Variants in TRAPPC9 observed in about 807,000 individuals in gnomAD.
TRAPPC9 encodes the protein trafficking protein particle complex subunit 9, also known as IKK2 binding protein.
Under a neutral mutation model 124.0 loss-of-function variants are expected in TRAPPC9, and 83 were observed. The observed-to-expected ratio is 0.67, with a 90% CI of 0.56 to 0.80. The LOEUF is 0.80. Among genes scored for constraint, TRAPPC9 ranks in the 30% least tolerant of loss-of-function variants. The pLI, the probability that TRAPPC9 is intolerant of heterozygous loss-of-function variation, is 0.00. For synonymous variants in TRAPPC9, 638 were observed against 617.5 expected (o/e 1.03, Z -0.49); for missense variants, 1,302 against 1,508.3 (o/e 0.86, Z 2.27).
intron 19 of TRAPPC9, among the ~76,000 whole-genome samples, chr8:139,972,483 C>T (rs1282055821): frequency 6.6e-6 from 1 of 152,180 alleles, no homozygotes; most frequent in Non-Finnish European, 1.5e-5. Flanking sequence ...TGCAAATGTG[C>T]CTCTCCGGGG....
At chr8:140,214,162 C>G (rs1397305823) in intron 17 of TRAPPC9, among the ~76,000 whole-genome samples, 1 of 152,248 alleles carries the variant, frequency 6.6e-6, no homozygotes, top group Non-Finnish European at 1.5e-5. Context: ...GTGATGTGGG[C>G]ACCAAGTTTG....
chr8:139,913,560 A>G (rs916582876), intron 19 of TRAPPC9, among the ~76,000 whole-genome samples: 1 of 152,232 alleles, frequency 6.6e-6, no homozygotes, highest in Non-Finnish European at 1.5e-5. Context: ...AGCATGGGAC[A>G]GAGACCCTGA....
intron 19 of TRAPPC9, among the ~76,000 whole-genome samples, chr8:139,974,527 C>T (rs893044454): frequency 4.6e-5 from 7 of 152,180 alleles, no homozygotes; most frequent in African/African-American, 1.7e-4. Flanking sequence ...CCTGATTGTG[C>T]AGCCCTTGTG....
chr8:140,020,396 C>A (rs1839764223), intron 18 of TRAPPC9, among the ~76,000 whole-genome samples: 1 of 152,092 alleles, frequency 6.6e-6, no homozygotes. Context: ...GAGGTTGAAG[C>A]AGGAGGATTG....
intron 17 of TRAPPC9, among the ~76,000 whole-genome samples, chr8:140,149,499 A>C (rs757972291): frequency 6.6e-6 from 1 of 152,210 alleles, no homozygotes; most frequent in Non-Finnish European, 1.5e-5. Context: ...ACCTGCCTGT[A>C]ATCTCAGCTA....
chr8:140,127,402 A>G (rs2061118401), intron 17 of TRAPPC9, among the ~76,000 whole-genome samples: 1 of 152,234 alleles, frequency 6.6e-6, no homozygotes, highest in Non-Finnish European at 1.5e-5. Flanking sequence ...GGTGATTTTA[A>G]TCATACATCA....
intron 17 of TRAPPC9, among the ~76,000 whole-genome samples, chr8:140,207,454 C>G (rs1270985363): frequency 6.6e-6 from 1 of 152,214 alleles, no homozygotes; most frequent in Non-Finnish European, 1.5e-5. Flanking sequence ...GTCAGTCATT[C>G]TCAATAGCAA....
chr8:140,024,159 C>T (rs370690003), intron 17 of TRAPPC9, 80 bp from the exon 18 acceptor site: 21 of 1,542,234 alleles, frequency 1.4e-5, no homozygotes, highest in Non-Finnish European at 1.9e-5. Context: ...CAAGCGGCTT[C>T]GCTTAGGAAG....
At chr8:140,392,215 G>A (rs978842991) in intron 7 of TRAPPC9, among the ~76,000 whole-genome samples, 1 of 152,130 alleles carries the variant, frequency 6.6e-6, no homozygotes, top group African/African-American at 2.4e-5. Flanking sequence ...AAAATGGAGC[G>A]TAATAAACTA....
rs192092830 is a variant in TRAPPC9, at chr8:140,241,121, G to A, written c.2431+11656C>T. Reference sequence around the variant, plus strand: ...GACCTGTTCAAAGACCATTCAGGCCGGGTGTGGTGGCTCACACCTGTAATT... The same window carrying A: ...GACCTGTTCAAAGACCATTCAGGCCAGGTGTGGTGGCTCACACCTGTAATT... On this transcript the variant is annotated intron_variant, in intron 16 of 22. Transcript: ENST00000438773. The surrounding 1 kb of genome is among the most constrained non-coding windows in gnomAD (Gnocchi z 5.0). 2.6e-5 allele frequency among the ~76,000 whole-genome samples: 4 copies of A among 152,284 alleles called. No individual in the cohort carries two copies. The highest frequency in any genetic ancestry group is 9.6e-5 in the African/African-American group (4 of 41,552).
chr8:139,989,140 C>T (rs1837461120), intron 18 of TRAPPC9, among the ~76,000 whole-genome samples: 1 of 152,198 alleles, frequency 6.6e-6, no homozygotes, highest in Non-Finnish European at 1.5e-5. Flanking sequence ...AACCCGAATT[C>T]TCCAAACCTC....
At chr8:140,222,320 G>A (rs1345203597) in intron 16 of TRAPPC9, among the ~76,000 whole-genome samples, 1 of 152,176 alleles carries the variant, frequency 6.6e-6, no homozygotes, top group Non-Finnish European at 1.5e-5. Context: ...CTTGTTAACA[G>A]TATCTATCGA....
At chr8:140,299,413 G>A (rs757045891) in intron 11 of TRAPPC9, among the ~76,000 whole-genome samples, 3 of 152,314 alleles carry the variant, frequency 2.0e-5, no homozygotes, top group Admixed American at 6.5e-5. Context: ...AAAAGGAGCC[G>A]GAATGCCTTC....
At chr8:140,335,569 A>C (rs1426507067) in intron 9 of TRAPPC9, among the ~76,000 whole-genome samples, 1 of 152,184 alleles carries the variant, frequency 6.6e-6, no homozygotes, top group African/African-American at 2.4e-5. Flanking sequence ...TCAGGAGACA[A>C]ATCCAGCCTT....
intron 2 of TRAPPC9, among the ~76,000 whole-genome samples, chr8:140,448,065 G>A (rs1215784914): frequency 2.0e-5 from 3 of 150,210 alleles, no homozygotes; most frequent in Non-Finnish European, 4.4e-5. Context: ...AGAATCGCTT[G>A]AGCCCAGGAG....
chr8:139,985,525 C>T (rs1046919435), intron 19 of TRAPPC9, among the ~76,000 whole-genome samples: 3 of 152,172 alleles, frequency 2.0e-5, no homozygotes, highest in Non-Finnish European at 2.9e-5. Context: ...ACAGCCCTCA[C>T]GGCTCATACA....
chr8:139,835,537 C>A (rs988984274), intron 21 of TRAPPC9, among the ~76,000 whole-genome samples: 1 of 152,172 alleles, frequency 6.6e-6, no homozygotes, highest in Non-Finnish European at 1.5e-5. Flanking sequence ...TTTGTATCCA[C>A]GAGACATCCT....
intron 9 of TRAPPC9, among the ~76,000 whole-genome samples, chr8:140,328,364 C>T (rs2066796317): frequency 6.6e-6 from 1 of 152,070 alleles, no homozygotes; most frequent in South Asian, 2.1e-4. Flanking sequence ...TAACAAAATA[C>T]GTACATGATC....
At chr8:139,905,760 A>G (rs777302817) in intron 20 of TRAPPC9, among the ~76,000 whole-genome samples, 33 of 152,196 alleles carry the variant, frequency 2.2e-4, no homozygotes, top group Non-Finnish European at 4.3e-4. Context: ...CATAATAATA[A>G]GAATGATAAA....
Sources: allele counts gnomAD v4.1 joint callset (sites outside exome capture counted in the v4.1 genomes callset), GRCh38; gene constraint gnomAD v4.1.1; non-coding constraint Gnocchi (gnomAD v3.1); transcripts MANE v1.5; gene names NCBI Gene and HGNC (gene_info 2026-07-23, HGNC 2026-07-21).